FRMD4A: variants seen among roughly 807,000 people sequenced by gnomAD.
FRMD4A encodes FERM domain-containing protein 4A.
In FRMD4A, 29 loss-of-function variants were observed where a neutral mutation model predicts 129.1. That is an observed-to-expected ratio of 0.22 (90% CI 0.17 to 0.31). FRMD4A has a LOEUF of 0.31. Among genes scored for constraint, FRMD4A ranks in the 10% least tolerant of loss-of-function variants. The pLI, the probability that FRMD4A is intolerant of heterozygous loss-of-function variation, is 1.00. For synonymous variants in FRMD4A, 634 were observed against 571.6 expected (o/e 1.11, Z -1.56); for missense variants, 1,272 against 1,375.8 (o/e 0.92, Z 1.19).
intron 2 of FRMD4A, among the ~76,000 whole-genome samples, chr10:14,059,217 T>A (rs1254475236): frequency 6.6e-6 from 1 of 152,146 alleles, no homozygotes; most frequent in Non-Finnish European, 1.5e-5. Context: ...CTGTAACTCC[T>A]CCCTCCTCTG....
At chr10:14,327,737 A>G (rs1258268494) in intron 2 of FRMD4A, among the ~76,000 whole-genome samples, 2 of 152,160 alleles carry the variant, frequency 1.3e-5, no homozygotes, top group African/African-American at 2.4e-5. Context: ...ACAAAATCAG[A>G]ACTGCAATCC....
At chr10:14,282,207 A>G (rs1412294922) in intron 2 of FRMD4A, among the ~76,000 whole-genome samples, 5 of 152,206 alleles carry the variant, frequency 3.3e-5, no homozygotes, top group Non-Finnish European at 7.3e-5. Flanking sequence ...TGTGGGAATT[A>G]GGGGAGCTAA....
chr10:14,072,022 T>C (rs1245999145), intron 2 of FRMD4A, among the ~76,000 whole-genome samples: 1 of 152,234 alleles, frequency 6.6e-6, no homozygotes, highest in Admixed American at 6.5e-5. Context: ...ATGTTGATAT[T>C]GATACCTAAA....
chr10:14,050,707 T>G (rs1237842975), intron 2 of FRMD4A, among the ~76,000 whole-genome samples: 2 of 152,118 alleles, frequency 1.3e-5, no homozygotes, highest in African/African-American at 4.8e-5. Context: ...CAACCACGCC[T>G]ATGTAATGAA....
chr10:14,318,840 C>T (rs180917136), intron 2 of FRMD4A, among the ~76,000 whole-genome samples: 63 of 152,256 alleles, frequency 4.1e-4, no homozygotes, highest in Admixed American at 7.2e-4. Flanking sequence ...CAGTCTATAT[C>T]CTCTCACCTT....
At chr10:14,035,067 G>C (rs1365008609) in intron 2 of FRMD4A, among the ~76,000 whole-genome samples, 3 of 152,110 alleles carry the variant, frequency 2.0e-5, no homozygotes, top group Admixed American at 2.0e-4. Context: ...TTAAATACCG[G>C]GGGGACCAAC....
intron 2 of FRMD4A, among the ~76,000 whole-genome samples, chr10:14,304,039 A>T (rs1589286767): frequency 6.6e-6 from 1 of 152,290 alleles, no homozygotes; most frequent in Middle Eastern, 3.4e-3. Flanking sequence ...TTATCCGCTG[A>T]TAGACACTTG....
intron 2 of FRMD4A, among the ~76,000 whole-genome samples, chr10:14,127,273 G>C (rs2131820489): frequency 6.6e-6 from 1 of 152,322 alleles, no homozygotes; most frequent in Middle Eastern, 3.4e-3. Context: ...CCAGGTCCTT[G>C]GAGCTCTTGC....
At chr10:14,305,717 A>G (rs1218480) in intron 2 of FRMD4A, among the ~76,000 whole-genome samples, 27,418 of 152,114 alleles carry the variant, frequency 0.18, 3,269 homozygotes, top group African/African-American at 0.34. Flanking sequence ...CAAAGACATG[A>G]AATCAACCTA....
intron 2 of FRMD4A, among the ~76,000 whole-genome samples, chr10:14,227,341 T>C (rs1843479455): frequency 7.7e-6 from 1 of 129,096 alleles, no homozygotes. Flanking sequence ...AATCCCCACC[T>C]CCTGGGTTCA....
intron 2 of FRMD4A, among the ~76,000 whole-genome samples, chr10:13,966,441 C>T (rs1343187326): frequency 5.9e-5 from 9 of 152,178 alleles, no homozygotes; most frequent in African/African-American, 2.2e-4. Context: ...AAGCCGCAGG[C>T]CCTGCCATTA....
At chr10:13,835,042 G>A (rs957690473) in intron 3 of FRMD4A, among the ~76,000 whole-genome samples, 17 of 152,162 alleles carry the variant, frequency 1.1e-4, no homozygotes, top group African/African-American at 3.1e-4. Flanking sequence ...GGGGGTGGCC[G>A]GAGATGGAGG....
At chr10:13,738,172 G>T (rs1011296098) in intron 11 of FRMD4A, among the ~76,000 whole-genome samples, 1 of 152,094 alleles carries the variant, frequency 6.6e-6, no homozygotes, top group African/African-American at 2.4e-5. Context: ...TTAATCAGCC[G>T]CACAGCCGAG....
intron 2 of FRMD4A, among the ~76,000 whole-genome samples, chr10:14,099,242 C>T (rs898592629): frequency 5.9e-5 from 9 of 152,148 alleles, no homozygotes; most frequent in Non-Finnish European, 1.0e-4. Context: ...ACTCCTAGTC[C>T]TGATATAATT....
At chr10:13,740,834 T>TTTTC (rs1410145784) in intron 9 of FRMD4A, among the ~76,000 whole-genome samples, 1 of 142,954 alleles carries the variant, frequency 7.0e-6, no homozygotes, top group Non-Finnish European at 1.5e-5. Context: ...TTTGTTTTTT[T>TTTTC]TTTTTTTTTT....
chr10:13,721,874 C>G (rs1006787802), intron 12 of FRMD4A, among the ~76,000 whole-genome samples: 1 of 152,204 alleles, frequency 6.6e-6, no homozygotes, highest in Non-Finnish European at 1.5e-5. Context: ...TAAAAATACA[C>G]ACACACATAC....
intron 2 of FRMD4A, among the ~76,000 whole-genome samples, chr10:13,946,086 G>A (rs2095329345): frequency 6.6e-6 from 1 of 152,210 alleles, no homozygotes; most frequent in Admixed American, 6.5e-5. Flanking sequence ...TCACAACTAT[G>A]AGTTGGGATC....
At chr10:13,809,145 G>A (rs1310756458) in intron 4 of FRMD4A, among the ~76,000 whole-genome samples, 1 of 152,166 alleles carries the variant, frequency 6.6e-6, no homozygotes, top group Non-Finnish European at 1.5e-5. Context: ...ACCCTCCTGG[G>A]AGAAGAGTGA....
chr10:14,127,882 C>T lies in FRMD4A; in HGVS notation c.45+202176G>A, dbSNP rs181376295. On this transcript the variant is annotated intron_variant, in intron 2 of 24. Transcript: ENST00000357447. Reference sequence around the variant, plus strand: ...CCCCAGCCTCTTTTATGGTTTGAGCCATTTTCCCCATATTTATATTTTGCT... The same window carrying T: ...CCCCAGCCTCTTTTATGGTTTGAGCTATTTTCCCCATATTTATATTTTGCT... Among the ~76,000 whole-genome samples, 491 of 151,944 alleles carry T rather than the reference C, an allele frequency of 3.2e-3. 6 individuals are homozygous for T. The highest frequency in any genetic ancestry group is 3.5e-3 in the Non-Finnish European group (237 of 67,928).
Sources: gnomAD v4.1 joint callset for allele counts (sites outside exome capture counted in the v4.1 genomes callset) on GRCh38, gnomAD v4.1.1 for gene constraint, MANE v1.5 for transcripts, NCBI Gene and HGNC (gene_info 2026-07-23, HGNC 2026-07-21) for gene names.